TGFB2: variants seen among roughly 807,000 people sequenced by gnomAD.
TGFB2 encodes transforming growth factor beta 2.
TGFB2 carries 13 observed loss-of-function variants against 42.7 expected under a neutral mutation model. That is an observed-to-expected ratio of 0.30 (90% CI 0.20 to 0.48). The LOEUF (loss-of-function observed/expected upper bound fraction) is 0.48, where lower values mean the gene tolerates loss of function less well. Among genes scored for constraint, TGFB2 ranks in the 20% least tolerant of loss-of-function variants. TGFB2 has a pLI of 0.99. For missense variants in TGFB2, 390 were observed against 517.5 expected, an observed-to-expected ratio of 0.75 and a Z score of 2.39; for synonymous variants, 193 against 193.6, an observed-to-expected ratio of 1.00 and a Z score of 0.03.
At chr1:218,375,535 A>G (rs1657713443) in intron 1 of TGFB2, among the ~76,000 whole-genome samples, 1 of 152,056 alleles carries the variant, frequency 6.6e-6, no homozygotes, top group Non-Finnish European at 1.5e-5. Flanking sequence ...GGCTGAGTAA[A>G]TTGTCATTCA....
chr1:218,390,905 C>G (rs1384334758), intron 1 of TGFB2, among the ~76,000 whole-genome samples: 1 of 152,178 alleles, frequency 6.6e-6, no homozygotes, highest in African/African-American at 2.4e-5. Context: ...ATGAATACAT[C>G]TACCAACCCT....
intron 2 of TGFB2, among the ~76,000 whole-genome samples, chr1:218,422,031 G>C (rs1477228182): frequency 6.6e-6 from 1 of 152,066 alleles, no homozygotes; most frequent in Non-Finnish European, 1.5e-5. Context: ...ATAAGTTAGT[G>C]TTATAAGTCA....
At chr1:218,410,914 A>G (rs546624709) in intron 2 of TGFB2, among the ~76,000 whole-genome samples, 1 of 152,350 alleles carries the variant, frequency 6.6e-6, no homozygotes, top group Non-Finnish European at 1.5e-5. Flanking sequence ...AACATCTTCT[A>G]TATGGGCAAG....
intron 6 of TGFB2, among the ~76,000 whole-genome samples, chr1:218,439,959 A>G (rs1361790259): frequency 4.6e-5 from 7 of 152,212 alleles, no homozygotes; most frequent in Non-Finnish European, 7.3e-5. Context: ...AATTGCAGTG[A>G]ATCTCGAGGA....
At chr1:218,392,744 T>A (rs1459005376) in intron 1 of TGFB2, among the ~76,000 whole-genome samples, 1 of 152,252 alleles carries the variant, frequency 6.6e-6, no homozygotes, top group Non-Finnish European at 1.5e-5. Flanking sequence ...ATCAGCTGTC[T>A]TTGCTTTTTA....
At chr1:218,362,498 G>A (rs1255226163) in intron 1 of TGFB2, among the ~76,000 whole-genome samples, 4 of 152,180 alleles carry the variant, frequency 2.6e-5, no homozygotes, top group African/African-American at 9.7e-5. Flanking sequence ...TCATCTTACA[G>A]ACTTCTCCAT....
chr1:218,355,567 G>C (rs1657006010), intron 1 of TGFB2, among the ~76,000 whole-genome samples: 1 of 152,172 alleles, frequency 6.6e-6, no homozygotes, highest in African/African-American at 2.4e-5. Flanking sequence ...TTCAGATCTT[G>C]GCTCTGCCAC....
chr1:218,401,104 G>C (rs1173304866), intron 1 of TGFB2, among the ~76,000 whole-genome samples: 1 of 152,200 alleles, frequency 6.6e-6, no homozygotes, highest in Non-Finnish European at 1.5e-5. Context: ...TCTGAGGATG[G>C]AGACCCTGTG....
At chr1:218,367,951 C>T (rs1352205039) in intron 1 of TGFB2, among the ~76,000 whole-genome samples, 2 of 151,952 alleles carry the variant, frequency 1.3e-5, no homozygotes, top group African/African-American at 4.8e-5. Context: ...TACAGCCGCA[C>T]GCCGCCACTC....
chr1:218,417,298 C>G (rs186815514), intron 2 of TGFB2, among the ~76,000 whole-genome samples: 374 of 152,292 alleles, frequency 2.5e-3, no homozygotes, highest in Non-Finnish European at 3.9e-3. Flanking sequence ...GGAACTGGAG[C>G]AAAGGTGACT....
At position 218,346,056 on chromosome 1, in the gene TGFB2, G is replaced by GCACGCACACACA. The variant is rs1553291855; in HGVS notation, c.-643_-642insGCACACACACAC. Among the ~76,000 whole-genome samples the GCACGCACACACA allele has an allele frequency of 2.1e-5, 3 of 145,604 alleles. No homozygotes were observed. Among genetic ancestry groups the GCACGCACACACA allele is most frequent in the African/African-American group, 7.6e-5 (3 of 39,610 alleles). On this transcript the variant is annotated 5_prime_UTR_variant, in exon 1 of 7. Transcript: ENST00000366930. The surrounding 1 kb of genome is among the most constrained non-coding windows in gnomAD (Gnocchi z 4.9). Reference sequence around the variant, plus strand: ...GGGCTCGCCCCCAGCGCGCGCACACGCACACACACACACACACACACACAC... The same window carrying GCACGCACACACA: ...GGGCTCGCCCCCAGCGCGCGCACACGCACGCACACACACACACACACACACACACACACACAC...
intron 1 of TGFB2, among the ~76,000 whole-genome samples, chr1:218,360,616 G>A (rs572892377): frequency 1.1e-4 from 16 of 152,128 alleles, no homozygotes; most frequent in South Asian, 2.1e-4. Flanking sequence ...CATGGCACAC[G>A]TTTACCTGTG....
chr1:218,359,201 A>G (rs1657135242), intron 1 of TGFB2, among the ~76,000 whole-genome samples: 1 of 152,152 alleles, frequency 6.6e-6, no homozygotes, highest in South Asian at 2.1e-4. Context: ...CTTCAGATGG[A>G]TCTGTTAAAC....
rs558156289 is a variant in TGFB2, at chr1:218,444,545, A to G, written c.*3183A>G. 1 of 152,294 alleles carries G rather than the reference A, an allele frequency of 6.6e-6. No individual in the cohort carries two copies. Among genetic ancestry groups the G allele is most frequent in the South Asian group, 2.1e-4 (1 of 4,830 alleles). 9.4% of individuals were successfully genotyped at this position (152,294 alleles called of 1,614,324 possible). ...CCTCCAATTTTTTTGGCTGCTACCT[A>G]CAAGACCAGACTCCTCAAACGAGTT... On this transcript the variant is annotated 3_prime_UTR_variant, in exon 7 of 7. Coordinates refer to ENST00000366930, the MANE Select transcript of TGFB2 (RefSeq NM_003238.6).
intron 2 of TGFB2, among the ~76,000 whole-genome samples, chr1:218,406,820 A>C (rs1658928198): frequency 6.6e-6 from 1 of 152,158 alleles, no homozygotes; most frequent in Non-Finnish European, 1.5e-5. Context: ...GATAGTGTGT[A>C]GAGTGACACT....
chr1:218,415,045 G>T (rs556659608), intron 2 of TGFB2, among the ~76,000 whole-genome samples: 1 of 152,218 alleles, frequency 6.6e-6, no homozygotes, highest in African/African-American at 2.4e-5. Context: ...GGTCCTTTGG[G>T]GAGTCTGAGG....
intron 2 of TGFB2, among the ~76,000 whole-genome samples, chr1:218,420,515 G>A (rs1437283469): frequency 2.0e-5 from 3 of 151,828 alleles, no homozygotes; most frequent in Admixed American, 1.3e-4. Context: ...ATGCACATGT[G>A]CATTCAGCAC....
At chr1:218,406,426 G>C (rs1658913487) in intron 2 of TGFB2, among the ~76,000 whole-genome samples, 1 of 152,204 alleles carries the variant, frequency 6.6e-6, no homozygotes, top group South Asian at 2.1e-4. Flanking sequence ...GAGAAATGTA[G>C]AATCTCAGGC....
intron 1 of TGFB2, among the ~76,000 whole-genome samples, chr1:218,372,966 C>G (rs556457081): frequency 3.9e-5 from 6 of 152,066 alleles, no homozygotes; most frequent in Non-Finnish European, 8.8e-5. Flanking sequence ...CACCTGAGGT[C>G]AGGAGTTCAA....
Sources: gnomAD v4.1 joint callset for allele counts (sites outside exome capture counted in the v4.1 genomes callset) on GRCh38, gnomAD v4.1.1 for gene constraint, Gnocchi (gnomAD v3.1) non-coding constraint, MANE v1.5 for transcripts, NCBI Gene and HGNC (gene_info 2026-07-23, HGNC 2026-07-21) for gene names.